The following TAFA4 variants were observed in gnomAD, a reference collection of about 807,000 sequenced individuals.
The protein encoded by TAFA4 is TAFA chemokine like family member 4, also known as chemokine-like protein TAFA-4.
TAFA4 carries 20 observed loss-of-function variants against 21.1 expected under a neutral mutation model. The ratio of observed to expected loss-of-function variants is 0.95; its 90% CI spans 0.67 to 1.38. The LOEUF (loss-of-function observed/expected upper bound fraction) is 1.38. Among genes scored for constraint, TAFA4 ranks in the 40% most tolerant of loss-of-function variants. The pLI, the probability that TAFA4 is intolerant of heterozygous loss-of-function variation, is 0.00. For synonymous variants in TAFA4, 71 were observed against 67.4 expected (o/e 1.05, Z -0.26); for missense variants, 211 against 180.9 (o/e 1.17, Z -0.95).
chr3:68,759,898 G>GTAAAATAAATA, intron 3 of TAFA4, among the ~76,000 whole-genome samples: 1 of 152,082 alleles, frequency 6.6e-6, no homozygotes, highest in Non-Finnish European at 1.5e-5. Context: ...GGGGTAGATG[G>GTAAAATAAATA]GTAGGTACTA....
intron 3 of TAFA4, among the ~76,000 whole-genome samples, chr3:68,826,210 G>C (rs919302444): frequency 2.0e-5 from 3 of 152,174 alleles, no homozygotes; most frequent in Non-Finnish European, 4.4e-5. Flanking sequence ...AGCCACCTCT[G>C]CCACTACCTA....
chr3:68,827,228 T>C (rs965957580), intron 3 of TAFA4, among the ~76,000 whole-genome samples: 3 of 152,200 alleles, frequency 2.0e-5, no homozygotes, highest in African/African-American at 2.4e-5. Flanking sequence ...TCCTTTTTTA[T>C]GGCTGCATAG....
intron 3 of TAFA4, among the ~76,000 whole-genome samples, chr3:68,768,248 A>T (rs142355517): frequency 1.3e-5 from 2 of 152,282 alleles, no homozygotes; most frequent in East Asian, 3.9e-4. Flanking sequence ...TAAGAAACTC[A>T]ACTCAATAGT....
chr3:68,924,814 C>T (rs897230995), intron 1 of TAFA4, among the ~76,000 whole-genome samples: 2 of 152,208 alleles, frequency 1.3e-5, no homozygotes, highest in Non-Finnish European at 2.9e-5. Context: ...GAAAGACACA[C>T]TTGCTAAGTA....
intron 3 of TAFA4, among the ~76,000 whole-genome samples, chr3:68,762,850 C>G (rs532439238): frequency 6.6e-6 from 1 of 152,322 alleles, no homozygotes; most frequent in African/African-American, 2.4e-5. Context: ...ACAAGCCTAG[C>G]CAACATGGCA....
intron 1 of TAFA4, among the ~76,000 whole-genome samples, chr3:68,920,486 A>G (rs1435744888): frequency 1.3e-5 from 2 of 152,226 alleles, no homozygotes; most frequent in African/African-American, 4.8e-5. Context: ...TCATCAGTCC[A>G]TTCTTCCTGC....
chr3:68,896,124 G>C (rs1476499912), intron 1 of TAFA4, among the ~76,000 whole-genome samples: 1 of 152,160 alleles, frequency 6.6e-6, no homozygotes, highest in East Asian at 1.9e-4. Flanking sequence ...GCAAGGCAAA[G>C]AGAGGTAGGA....
In TAFA4 at chr3:68,732,557, A is replaced by G. The variant is rs1180019013; in HGVS notation, c.*585T>C. The G allele has an allele frequency of 6.6e-6, 1 of 152,630 alleles. No homozygotes were observed. Among genetic ancestry groups the G allele is most frequent in the Admixed American group, 6.5e-5 (1 of 15,272 alleles). The allele number at this position is 152,630 out of a possible 1,614,324, so 9.5% of individuals were successfully genotyped here. ...GCAAAAAAAAAATAGAAGTAAAAAT[A>G]CAATGCACACACAATAATCCAACTA... On this transcript the variant is annotated 3_prime_UTR_variant, in exon 6 of 6. Coordinates refer to ENST00000295569, the MANE Select transcript of TAFA4 (RefSeq NM_182522.5).
chr3:68,747,919 A>C (rs17047969), intron 4 of TAFA4, among the ~76,000 whole-genome samples: 46,837 of 151,936 alleles, frequency 0.31, 8,987 homozygotes, highest in East Asian at 0.87. Flanking sequence ...AGACCAAGCT[A>C]CTTCTAGTTC....
chr3:68,927,144 GGTCT>G (rs1209454224), intron 1 of TAFA4, among the ~76,000 whole-genome samples: 1 of 152,052 alleles, frequency 6.6e-6, no homozygotes, highest in Non-Finnish European at 1.5e-5. Flanking sequence ...TCCACTTCGT[GGTCT>G]GTAAGTTTCT....
chr3:68,858,194 T>G (rs1559545206), intron 3 of TAFA4, among the ~76,000 whole-genome samples: 2 of 152,130 alleles, frequency 1.3e-5, no homozygotes, highest in African/African-American at 4.8e-5. Flanking sequence ...GTCATGTGAT[T>G]CACTCGTAAG....
At chr3:68,881,491 A>T (rs2089617998) in intron 2 of TAFA4, among the ~76,000 whole-genome samples, 1 of 152,248 alleles carries the variant, frequency 6.6e-6, no homozygotes, top group African/African-American at 2.4e-5. Context: ...AAGAGTAAAA[A>T]AAAGGAAGAT....
chr3:68,915,558 C>T (rs918461245), intron 1 of TAFA4, among the ~76,000 whole-genome samples: 3 of 152,114 alleles, frequency 2.0e-5, no homozygotes, highest in African/African-American at 7.2e-5. Context: ...AAATTTAACT[C>T]TCAAAATGGT....
rs113016887 is a variant in TAFA4, at chr3:68,839,315, C to T, written c.130+41415G>A. Among the ~76,000 whole-genome samples, 181 of 152,250 alleles carry T rather than the reference C, an allele frequency of 1.2e-3. 2 individuals are homozygous for T. The highest frequency in any genetic ancestry group is 4.0e-3 in the African/African-American group (165 of 41,540). On this transcript the variant is annotated intron_variant, in intron 3 of 5. Coordinates refer to ENST00000295569, the MANE Select transcript of TAFA4 (RefSeq NM_182522.5). ...CAAAGACCTGAATGAAGTGAGTAAA[C>T]GAGCACTCTGGTTTCAGATACAGCA...
At chr3:68,802,384 T>A (rs991110868) in intron 3 of TAFA4, among the ~76,000 whole-genome samples, 5 of 151,610 alleles carry the variant, frequency 3.3e-5, no homozygotes, top group Admixed American at 2.6e-4. Flanking sequence ...ACCTTGATCA[T>A]AGGCCCAGAA....
chr3:68,752,165 G>T (rs1422825365), intron 4 of TAFA4, among the ~76,000 whole-genome samples: 1 of 152,122 alleles, frequency 6.6e-6, no homozygotes, highest in East Asian at 1.9e-4. Flanking sequence ...TTTCAGGGAG[G>T]TTTCGTGACA....
intron 3 of TAFA4, among the ~76,000 whole-genome samples, chr3:68,868,523 T>C (rs1291429927): frequency 6.6e-6 from 1 of 152,082 alleles, no homozygotes. Flanking sequence ...CTCAACAAAT[T>C]CAAAAAACTA....
intron 1 of TAFA4, among the ~76,000 whole-genome samples, chr3:68,908,699 A>T (rs1360475781): frequency 1.3e-5 from 2 of 152,228 alleles, no homozygotes; most frequent in Admixed American, 1.3e-4. Flanking sequence ...TTGATGGTAA[A>T]TTCAAGATGA....
At chr3:68,759,658 A>G (rs1702725527) in intron 3 of TAFA4, among the ~76,000 whole-genome samples, 1 of 152,162 alleles carries the variant, frequency 6.6e-6, no homozygotes, top group African/African-American at 2.4e-5. Context: ...AGAACATAAC[A>G]TGAGGCCCCT....
Sources: allele counts gnomAD v4.1 joint callset (sites outside exome capture counted in the v4.1 genomes callset), GRCh38; gene constraint gnomAD v4.1.1; transcripts MANE v1.5; gene names NCBI Gene and HGNC (gene_info 2026-07-23, HGNC 2026-07-21).